Variants in GPR137B observed in about 807,000 individuals in gnomAD.
The protein encoded by GPR137B is integral membrane protein GPR137B.
Under a neutral mutation model 42.5 loss-of-function variants are expected in GPR137B, and 42 were observed. The ratio of observed to expected loss-of-function variants is 0.99; its 90% confidence interval spans 0.77 to 1.28. The LOEUF (loss-of-function observed/expected upper bound fraction) is 1.28, where lower values mean the gene tolerates loss of function less well. GPR137B is among the 50% of genes most tolerant of loss of function. The pLI is 0.00. For missense variants in GPR137B, 487 were observed against 493.9 expected, an observed-to-expected ratio of 0.99 and a Z score of 0.13; for synonymous variants, 218 against 209.7, an observed-to-expected ratio of 1.04 and a Z score of -0.34.
At chr1:236,158,873 G>A (rs544528255) in intron 1 of GPR137B, among the ~76,000 whole-genome samples, 1 of 152,296 alleles carries the variant, frequency 6.6e-6, no homozygotes, top group Non-Finnish European at 1.5e-5. Context: ...CAGAGATTCT[G>A]AATCAAGCGC....
chr1:236,171,140 AGTTGT>A lies in GPR137B; in HGVS notation c.464+2386_464+2390del, dbSNP rs1338577904. Among the ~76,000 whole-genome samples the A allele has an allele frequency of 1.3e-5, 2 of 152,240 alleles. No homozygotes were observed. The highest frequency in any genetic ancestry group is 4.8e-5 in the African/African-American group (2 of 41,452). The stretch of plus-strand genomic sequence containing the variant: ...CATTTTAAATAACTCAGCATAAAAC[AGTTGT>A]AACTGTGTTTTGACTGCAATCCATC... On this transcript the variant is annotated intron_variant, in intron 2 of 6. Transcript: ENST00000366592. The surrounding 1 kb of genome is among the most constrained non-coding windows in gnomAD (Gnocchi z 4.4).
chr1:236,175,478 C>T (rs1457091992), intron 2 of GPR137B, among the ~76,000 whole-genome samples: 1 of 152,212 alleles, frequency 6.6e-6, no homozygotes, highest in Non-Finnish European at 1.5e-5. Context: ...TCCCCAGAGG[C>T]TGCTGCATGG....
At chr1:236,184,374 C>T (rs1008931905) in intron 5 of GPR137B, among the ~76,000 whole-genome samples, 7 of 152,150 alleles carry the variant, frequency 4.6e-5, no homozygotes, top group African/African-American at 1.2e-4. Flanking sequence ...GAATGCTAAA[C>T]CTGCTCCCCT....
intron 2 of GPR137B, among the ~76,000 whole-genome samples, chr1:236,170,039 C>CAAAAAAAAAAA (rs11346365): frequency 2.7e-5 from 1 of 36,842 alleles, no homozygotes; most frequent in East Asian, 7.0e-4. Flanking sequence ...GAATCCATCT[C>CAAAAAAAAAAA]AAAAAAAAAA....
chr1:236,168,803 G>A (rs370553397), intron 2 of GPR137B, 48 bp downstream of exon 2: 16 of 1,291,420 alleles, frequency 1.2e-5, no homozygotes, highest in Admixed American at 3.4e-5. Context: ...GGAAAGTGCC[G>A]ACACATGAAT....
rs570366524 is a variant in GPR137B, at chr1:236,186,673, C to T, written c.966+2767C>T. On this transcript the variant is annotated intron_variant, in intron 5 of 6. Transcript: ENST00000366592. Reference sequence around the variant, plus strand: ...CCCTGCAAAGGACATGAACTCATCCCTTTTTATGGCTGCATAGTATTCCAT... The same window carrying T: ...CCCTGCAAAGGACATGAACTCATCCTTTTTTATGGCTGCATAGTATTCCAT... Among the ~76,000 whole-genome samples, 6 of 152,014 alleles carry T rather than the reference C, an allele frequency of 3.9e-5. No individual in the cohort carries two copies. The East Asian group carries it at 1.2e-3, about 29-fold the overall frequency.
intron 2 of GPR137B, among the ~76,000 whole-genome samples, chr1:236,176,303 C>T (rs1210195224): frequency 2.0e-5 from 3 of 152,150 alleles, no homozygotes; most frequent in Admixed American, 6.5e-5. Context: ...GACTTCACAG[C>T]GCTCTCCATC....
At chr1:236,160,586 T>C (rs1240716569) in intron 1 of GPR137B, among the ~76,000 whole-genome samples, 1 of 152,150 alleles carries the variant, frequency 6.6e-6, no homozygotes, top group African/African-American at 2.4e-5. Flanking sequence ...AAAAACAAGG[T>C]CTGGACCCCC....
At position 236,150,261 on chromosome 1, in the gene GPR137B, TTG is replaced by T. The variant is rs1206147080; in HGVS notation, c.414+7233_414+7234del. Among the ~76,000 whole-genome samples, 2 of 143,968 alleles carry T rather than the reference TTG, an allele frequency of 1.4e-5. No individual in the cohort carries two copies. Among genetic ancestry groups the T allele is most frequent in the Admixed American group, 6.9e-5 (1 of 14,498 alleles). The allele number at this position is 143,968 out of a possible 152,430, so 94.4% of individuals were successfully genotyped here. ...TCTGTGCCCGTGTGTGTGCCTGTGT[TTG>T]TGTGTGTCTGTGCCTGTGTGTGTCT... is the stretch of plus-strand genomic sequence containing the variant. On this transcript the variant is annotated intron_variant, in intron 1 of 6. Coordinates refer to ENST00000366592, the MANE Select transcript of GPR137B (RefSeq NM_003272.4). This position sits in a 1 kb window ranked among gnomAD's most constrained non-coding sequence, Gnocchi z 6.2.
rs764786693 is a variant in GPR137B, at chr1:236,179,903, G to A, written c.712G>A (p.Ala238Thr). Residue 238 changes from alanine (A) to threonine (T), a missense_variant, in exon 4 of 7, where the codon GCC (alanine) becomes ACC (threonine). Transcript: ENST00000366592. ...GGGCTCCTCCGTGTGTCAAGTGACT[G>A]CCATCGGTGTCACCGTGATACTGCT... ...SKGSSVCQVT[A>T]IGVTVILLYT... is the part of the protein sequence containing the mutation. 5 of 1,595,690 alleles carry A rather than the reference G, an allele frequency of 3.1e-6. No homozygotes were observed. Among genetic ancestry groups the A allele is most frequent in the Admixed American group, 1.7e-5 (1 of 58,008 alleles).
At chr1:236,144,173 T>TGGAGGC (rs1251616163) in intron 1 of GPR137B, among the ~76,000 whole-genome samples, 1 of 151,884 alleles carries the variant, frequency 6.6e-6, no homozygotes, top group African/African-American at 2.4e-5. Context: ...CCCAGCATTG[T>TGGAGGC]GGAGGCGGAG....
At chr1:236,188,913 A>G (rs369832093) in intron 5 of GPR137B, among the ~76,000 whole-genome samples, 3 of 152,126 alleles carry the variant, frequency 2.0e-5, no homozygotes, top group East Asian at 3.9e-4. Flanking sequence ...TCCTCTTTGT[A>G]CCTCTGGTAG....
intron 1 of GPR137B, among the ~76,000 whole-genome samples, chr1:236,145,922 A>G (rs1231523055): frequency 6.6e-6 from 1 of 152,028 alleles, no homozygotes; most frequent in Non-Finnish European, 1.5e-5. Flanking sequence ...CTTTGTGGTG[A>G]TCTGGGTTCA....
intron 5 of GPR137B, among the ~76,000 whole-genome samples, chr1:236,200,259 C>G (rs1663454750): frequency 6.6e-6 from 1 of 151,946 alleles, no homozygotes; most frequent in East Asian, 1.9e-4. Context: ...AGACTCATTT[C>G]ATAGCCTATC....
chr1:236,151,692 G>A (rs1034041888), intron 1 of GPR137B, among the ~76,000 whole-genome samples: 4 of 152,130 alleles, frequency 2.6e-5, no homozygotes, highest in Non-Finnish European at 4.4e-5. Flanking sequence ...AAAGTGCTGG[G>A]ATTACAGGCG....
chr1:236,151,418 A>ATT (rs60574023), intron 1 of GPR137B, among the ~76,000 whole-genome samples: 918 of 72,292 alleles, frequency 0.013, 6 homozygotes, highest in Non-Finnish European at 0.017. Flanking sequence ...TTGCATATTC[A>ATT]TTTTTTTTTT....
chr1:236,180,060 A>G lies in GPR137B; in HGVS notation c.837+32A>G, dbSNP rs1487694890. ...GGGGGCGCTGAGGAGGTGTCACCTG[A>G]CCAGGGACTCTTGGTATCCTCGAGG... is the stretch of plus-strand genomic sequence containing the variant. On this transcript the variant is annotated intron_variant, in intron 4 of 6. Transcript: ENST00000366592. 3.8e-6 allele frequency: 6 copies of G among 1,590,684 alleles called. No individual in the cohort carries two copies. In the African/African-American group the frequency reaches 6.7e-5, roughly 18 times the overall value.
chr1:236,173,442 GAAGA>G (rs1214661660), intron 2 of GPR137B, among the ~76,000 whole-genome samples: 1 of 151,104 alleles, frequency 6.6e-6, no homozygotes, highest in Non-Finnish European at 1.5e-5. Flanking sequence ...AGGGAAGGAG[GAAGA>G]AAGGAAGGAA....
chr1:236,206,036 C>G (rs915476977), intron 6 of GPR137B, among the ~76,000 whole-genome samples: 5 of 151,976 alleles, frequency 3.3e-5, no homozygotes, highest in Non-Finnish European at 5.9e-5. Flanking sequence ...TATAAAGGAC[C>G]AAGTTTTCAA....
Sources: allele counts gnomAD v4.1 joint callset (sites outside exome capture counted in the v4.1 genomes callset), GRCh38; gene constraint gnomAD v4.1.1; non-coding constraint Gnocchi (gnomAD v3.1); transcripts MANE v1.5; gene names NCBI Gene and HGNC (gene_info 2026-07-23, HGNC 2026-07-21).